Variants in PIWIL3 observed in about 807,000 individuals in gnomAD.
PIWIL3 encodes the protein piwi like RNA-mediated gene silencing 3, also known as piwi-like protein 3.
A neutral mutation model predicts 109.7 loss-of-function variants in PIWIL3; 101 were observed. The ratio of observed to expected loss-of-function variants is 0.92; its 90% CI spans 0.78 to 1.09. PIWIL3 has a LOEUF of 1.09. Among genes scored for constraint, PIWIL3 ranks in the 50% least tolerant of loss-of-function variants. The pLI, the probability that PIWIL3 is intolerant of heterozygous loss-of-function variation, is 0.00. For missense variants in PIWIL3, 1,031 were observed against 1,072.6 expected (o/e 0.96, Z 0.54); for synonymous variants, 373 against 376.4 (o/e 0.99, Z 0.10).
At chr22:24,720,494 A>G (rs1406194757) in intron 19 of PIWIL3, among the ~76,000 whole-genome samples, 2 of 151,932 alleles carry the variant, frequency 1.3e-5, no homozygotes, top group East Asian at 1.9e-4. Context: ...GATGGTCTCA[A>G]TCTCCTGACC....
intron 1 of PIWIL3, among the ~76,000 whole-genome samples, chr22:24,766,677 T>G (rs1925816243): frequency 6.6e-6 from 1 of 152,146 alleles, no homozygotes; most frequent in African/African-American, 2.4e-5. Context: ...CACAGTTACA[T>G]CCAGATCCTT....
At chr22:24,748,851 T>C in intron 12 of PIWIL3, 56 bp downstream of exon 12, 4 of 1,395,240 alleles carry the variant, frequency 2.9e-6, no homozygotes, top group Non-Finnish European at 3.0e-6. Context: ...TAGTTCCTTT[T>C]TGCTTTACTC....
chr22:24,756,027 TC>T, intron 5 of PIWIL3, 122 bp from the exon 6 acceptor site: 1 of 1,081,034 alleles, frequency 9.3e-7, no homozygotes, highest in Non-Finnish European at 1.3e-6. Context: ...GAGCAGTCTT[TC>T]CCACAAAAGT....
intron 19 of PIWIL3, among the ~76,000 whole-genome samples, chr22:24,722,284 G>A (rs1312077622): frequency 2.0e-5 from 3 of 152,160 alleles, no homozygotes; most frequent in South Asian, 2.1e-4. Context: ...AGGTTTCACT[G>A]TGTTAGCCAG....
chr22:24,723,737 T>A (rs937864972), intron 18 of PIWIL3, among the ~76,000 whole-genome samples: 2 of 151,768 alleles, frequency 1.3e-5, no homozygotes, highest in African/African-American at 4.8e-5. Context: ...TGCAGTGGTG[T>A]GATCTCGGCT....
In PIWIL3 at chr22:24,724,990, CA is replaced by C. The variant is rs771472831; in HGVS notation, c.2127del (p.Val710LeufsTer28). The part of the protein sequence containing the change: ...WCKNESSMPH[S>X]VIVYRDGVGD... ...CCCACTCCATCCCGATACACAATAA[CA>C]GAATGTGGCATCGATGATTCGTTTT... On this transcript the variant is annotated frameshift_variant, in exon 18 of 21. Transcript: ENST00000616349. LOFTEE classifies it high-confidence loss of function. 1.2e-6 allele frequency: 2 copies of C among 1,614,074 alleles called. No homozygotes were observed. Among genetic ancestry groups the C allele is most frequent in the Non-Finnish European group, 1.7e-6 (2 of 1,180,014 alleles).
intron 1 of PIWIL3, among the ~76,000 whole-genome samples, chr22:24,769,055 T>G (rs74815345): frequency 0.046 from 7,077 of 152,250 alleles, 252 homozygotes; most frequent in South Asian, 0.11. Context: ...TCCTTGGGTA[T>G]CCACAGGGAT....
chr22:24,771,954 A>G (rs1926160796), intron 1 of PIWIL3, among the ~76,000 whole-genome samples: 1 of 152,184 alleles, frequency 6.6e-6, no homozygotes, highest in Non-Finnish European at 1.5e-5. Context: ...TTGGCCTCCC[A>G]AAGTGCTGGG....
At chr22:24,721,932 T>C (rs189456329) in intron 19 of PIWIL3, among the ~76,000 whole-genome samples, 19 of 152,368 alleles carry the variant, frequency 1.2e-4, no homozygotes, top group Admixed American at 2.6e-4. Context: ...CTTGTGTCCA[T>C]GAACAACAGA....
In PIWIL3 at chr22:24,719,363, G is replaced by T; in HGVS notation, c.*109C>A. On this transcript the variant is annotated 3_prime_UTR_variant, in exon 21 of 21. Transcript: ENST00000616349. ...TCTCCTGTGTCCAATCAAAAACGAT[G>T]AGAATTTAATGCTATGGACCTAGGA... The T allele has an allele frequency of 1.2e-6, 1 of 829,726 alleles. No individual in the cohort carries two copies. Among genetic ancestry groups the T allele is most frequent in the Non-Finnish European group, 1.9e-6 (1 of 530,964 alleles). 51.4% of individuals were successfully genotyped at this position (829,726 alleles called of 1,614,324 possible).
At chr22:24,725,375 A>C in intron 17 of PIWIL3, 70 bp downstream of exon 17, 1 of 1,559,992 alleles carries the variant, frequency 6.4e-7, no homozygotes, top group Non-Finnish European at 8.8e-7. Context: ...TGTCCCCTGG[A>C]GGCAGTAAGT....
chr22:24,764,624 CCG>C (rs1491268227), intron 1 of PIWIL3, among the ~76,000 whole-genome samples: 11 of 63,802 alleles, frequency 1.7e-4, no homozygotes, highest in Non-Finnish European at 3.3e-4. Context: ...TTTGACCTTG[CCG>C]TGTGTGTGTG....
At chr22:24,766,809 C>T (rs934494976) in intron 1 of PIWIL3, among the ~76,000 whole-genome samples, 3 of 151,938 alleles carry the variant, frequency 2.0e-5, no homozygotes, top group African/African-American at 4.8e-5. Flanking sequence ...AATCTGCATG[C>T]GTTCTCAGCT....
chr22:24,756,378 GA>G, intron 5 of PIWIL3, 112 bp downstream of exon 5: 1 of 1,018,240 alleles, frequency 9.8e-7, no homozygotes. Context: ...ATATGGGCAA[GA>G]GAGCCTTGGG....
Position 24,734,127 on chromosome 22 carries a change from T to G in PIWIL3, c.1664A>C (p.Tyr555Ser). 1 of 1,613,044 alleles carries G rather than the reference T, an allele frequency of 6.2e-7. No individual in the cohort carries two copies. The highest frequency in any genetic ancestry group is 1.3e-5 in the African/African-American group (1 of 75,024). ...MIEVDGDANS[Y>S]IDTLRKYTRP... ...AGTATATTTCCGTAATGTGTCTATA[T>G]AGGAGTTAGCATCACCATCTACTTC... Residue 555 changes from tyrosine (Y) to serine (S), a missense_variant, in exon 14 of 21, where the codon TAT becomes TCT. Physicochemically the swap from Tyr to Ser is moderately radical, Grantham distance 144. Coordinates refer to ENST00000616349, the MANE Select transcript of PIWIL3 (RefSeq NM_001255975.1).
Position 24,720,463 on chromosome 22 carries a change from G to A in PIWIL3, c.2358-568C>T, listed in dbSNP as rs188305998. ...ATTTTTTATATTTTTAGTAGAGATG[G>A]GGTTTCACCGTGTTAGCCAGGATGG... On this transcript the variant is annotated intron_variant, in intron 19 of 20. Transcript: ENST00000616349. 3.3e-5 allele frequency among the ~76,000 whole-genome samples: 5 copies of A among 151,758 alleles called. No individual in the cohort carries two copies. The East Asian group carries it at 7.7e-4, about 23-fold the overall frequency.
At chr22:24,724,560 G>A (rs530300309) in intron 18 of PIWIL3, among the ~76,000 whole-genome samples, 17 of 151,482 alleles carry the variant, frequency 1.1e-4, no homozygotes, top group African/African-American at 2.7e-4. Context: ...TCAGCCTCCC[G>A]AGTAGCTGGG....
intron 12 of PIWIL3, among the ~76,000 whole-genome samples, chr22:24,744,709 T>C (rs1759757669): frequency 6.6e-6 from 1 of 152,212 alleles, no homozygotes; most frequent in Non-Finnish European, 1.5e-5. Flanking sequence ...ATTGTAAATA[T>C]ATATACACTC....
intron 11 of PIWIL3, 117 bp from the exon 12 acceptor site, chr22:24,749,138 G>A: frequency 1.1e-6 from 1 of 882,622 alleles, no homozygotes; most frequent in Non-Finnish European, 1.7e-6. Flanking sequence ...GCAGCATTGA[G>A]ATGCGGCAGT....
Sources: allele counts gnomAD v4.1 joint callset (sites outside exome capture counted in the v4.1 genomes callset), GRCh38; gene constraint gnomAD v4.1.1; transcripts MANE v1.5; gene names NCBI Gene and HGNC (gene_info 2026-07-23, HGNC 2026-07-21).